The following SDK1 variants were observed in gnomAD, a reference collection of about 807,000 sequenced individuals.
SDK1 encodes the protein sidekick cell adhesion molecule 1.
In SDK1, 157 loss-of-function variants were observed where a neutral mutation model predicts 245.5. The ratio of observed to expected loss-of-function variants is 0.64; its 90% CI spans 0.56 to 0.73. The LOEUF (loss-of-function observed/expected upper bound fraction) is 0.73. Among genes scored for constraint, SDK1 ranks in the 30% least tolerant of loss-of-function variants. The pLI is 0.00. For synonymous variants in SDK1, 1,647 were observed against 1,278.5 expected, an observed-to-expected ratio of 1.29 and a Z score of -6.15; for missense variants, 3,583 against 3,002.3, an observed-to-expected ratio of 1.19 and a Z score of -4.52.
intron 5 of SDK1, among the ~76,000 whole-genome samples, chr7:3,841,865 A>T (rs1288027679): frequency 6.6e-6 from 1 of 152,130 alleles, no homozygotes; most frequent in Non-Finnish European, 1.5e-5. Flanking sequence ...ACCAGGTGTT[A>T]TCAGATTCTC....
intron 1 of SDK1, among the ~76,000 whole-genome samples, chr7:3,565,578 T>G (rs1779885233): frequency 2.6e-5 from 4 of 152,220 alleles, no homozygotes; most frequent in African/African-American, 9.6e-5. Context: ...TACAATGACA[T>G]TACTGTGTAT....
chr7:3,740,814 T>G (rs1452512344), intron 4 of SDK1, among the ~76,000 whole-genome samples: 1 of 152,222 alleles, frequency 6.6e-6, no homozygotes, highest in East Asian at 1.9e-4. Context: ...AATGTTGATT[T>G]CACAATTTTT....
chr7:3,469,979 C>T (rs1310418518), intron 1 of SDK1, among the ~76,000 whole-genome samples: 2 of 152,136 alleles, frequency 1.3e-5, no homozygotes, highest in East Asian at 3.9e-4. Context: ...TTTTATTTCA[C>T]CCGAGACACA....
chr7:3,928,108 G>A (rs192403112), intron 5 of SDK1, among the ~76,000 whole-genome samples: 334 of 152,236 alleles, frequency 2.2e-3, no homozygotes, highest in Non-Finnish European at 3.9e-3. Context: ...TGATTAGGAA[G>A]CATTAATAGC....
intron 7 of SDK1, 65 bp from the exon 8 acceptor site, chr7:3,958,866 G>T: frequency 7.9e-7 from 1 of 1,265,330 alleles, no homozygotes. Flanking sequence ...CACTATCTTA[G>T]GTTATATGGT....
At chr7:3,464,248 G>A (rs1780921247) in intron 1 of SDK1, among the ~76,000 whole-genome samples, 1 of 152,158 alleles carries the variant, frequency 6.6e-6, no homozygotes, top group African/African-American at 2.4e-5. Flanking sequence ...ATTGGGCCAG[G>A]CATGGTGGCT....
At chr7:3,800,055 T>G (rs1779067629) in intron 4 of SDK1, among the ~76,000 whole-genome samples, 2 of 152,146 alleles carry the variant, frequency 1.3e-5, no homozygotes, top group African/African-American at 2.4e-5. Flanking sequence ...ATAAAACAGA[T>G]GTTTTTGGTG....
chr7:3,965,160 G>A (rs991037672), intron 9 of SDK1, among the ~76,000 whole-genome samples: 3 of 152,154 alleles, frequency 2.0e-5, no homozygotes, highest in African/African-American at 4.8e-5. Context: ...CAGCACATGC[G>A]AGTGGCTGTG....
chr7:4,113,589 A>G, intron 24 of SDK1, 150 bp downstream of exon 24: 1 of 896,700 alleles, frequency 1.1e-6, no homozygotes, highest in South Asian at 1.7e-5. Flanking sequence ...TGCATTTTAC[A>G]ATTAGTGTTG....
chr7:3,660,917 T>G (rs535638447), intron 4 of SDK1, among the ~76,000 whole-genome samples: 1 of 152,240 alleles, frequency 6.6e-6, no homozygotes, highest in Admixed American at 6.5e-5. Flanking sequence ...TTATGTCCTT[T>G]GGTGATATGT....
intron 1 of SDK1, among the ~76,000 whole-genome samples, chr7:3,537,971 A>T (rs138432356): frequency 6.6e-6 from 1 of 152,320 alleles, no homozygotes; most frequent in East Asian, 1.9e-4. Context: ...TGGAGAGGGC[A>T]GTCACCTAGT....
intron 5 of SDK1, among the ~76,000 whole-genome samples, chr7:3,846,581 C>A (rs769333924): frequency 4.6e-5 from 7 of 152,194 alleles, no homozygotes; most frequent in Non-Finnish European, 8.8e-5. Context: ...CTCTATAAAT[C>A]CTCTCTAAAC....
At chr7:4,034,165 C>G (rs961010636) in intron 17 of SDK1, among the ~76,000 whole-genome samples, 18 of 152,172 alleles carry the variant, frequency 1.2e-4, no homozygotes, top group African/African-American at 4.3e-4. Flanking sequence ...AAACTAGGAA[C>G]ATATTGCACA....
Position 4,162,366 on chromosome 7 carries a change from G to GTTA in SDK1, c.4800+512_4800+513insATT, listed in dbSNP as rs1447141270. 5.6e-4 allele frequency among the ~76,000 whole-genome samples: 61 copies of GTTA among 109,010 alleles called. No individual in the cohort carries two copies. In the South Asian group the frequency reaches 7.8e-3, roughly 14 times the overall value. The allele number at this position is 109,010 out of a possible 152,430, so 71.5% of individuals were successfully genotyped here. A position where few individuals can be genotyped will look rare whatever the true frequency, so the allele number is the denominator to read the frequency against. On this transcript the variant is annotated intron_variant, in intron 32 of 44. Transcript: ENST00000404826. ...GGTGGTGGTGGTGGTGGTTGTTGTT[G>GTTA]TTGTTATTATTATTATTATTATTAT...
chr7:3,599,923 T>C (rs1781200840), intron 1 of SDK1, among the ~76,000 whole-genome samples: 1 of 152,238 alleles, frequency 6.6e-6, no homozygotes, highest in East Asian at 1.9e-4. Flanking sequence ...ACTTCCTTTT[T>C]TCATATAAAG....
chr7:3,564,349 G>C (rs1009147741), intron 1 of SDK1, among the ~76,000 whole-genome samples: 12 of 151,970 alleles, frequency 7.9e-5, no homozygotes, highest in East Asian at 1.9e-4. Context: ...TAAAATACAG[G>C]ACAATGCTGG....
At chr7:3,797,594 T>G (rs1229144958) in intron 4 of SDK1, among the ~76,000 whole-genome samples, 2 of 152,180 alleles carry the variant, frequency 1.3e-5, no homozygotes, top group East Asian at 3.9e-4. Flanking sequence ...GAACCCCATT[T>G]ACATAGATCT....
At chr7:3,538,034 T>G (rs1252377207) in intron 1 of SDK1, among the ~76,000 whole-genome samples, 2 of 152,174 alleles carry the variant, frequency 1.3e-5, no homozygotes, top group Non-Finnish European at 2.9e-5. Flanking sequence ...CTGCCTTTCG[T>G]GGAGTCTTTC....
At chr7:3,480,832 C>A (rs1583923129) in intron 1 of SDK1, among the ~76,000 whole-genome samples, 1 of 152,200 alleles carries the variant, frequency 6.6e-6, no homozygotes, top group Non-Finnish European at 1.5e-5. Context: ...TCTAGAGCTT[C>A]TGGAAAGAAA....
Sources: gnomAD v4.1 joint callset for allele counts (sites outside exome capture counted in the v4.1 genomes callset) on GRCh38, gnomAD v4.1.1 for gene constraint, MANE v1.5 for transcripts, NCBI Gene and HGNC (gene_info 2026-07-23, HGNC 2026-07-21) for gene names.